Variants in LTBP2 observed in about 807,000 individuals in gnomAD.
LTBP2 encodes the protein latent-transforming growth factor beta-binding protein 2.
A neutral mutation model predicts 210.6 loss-of-function variants in LTBP2; 103 were observed. That is an observed-to-expected ratio of 0.49 (90% CI 0.42 to 0.58). The LOEUF (loss-of-function observed/expected upper bound fraction) is 0.58. LTBP2 is among the 20% of genes least tolerant of loss of function. The probability of loss-of-function intolerance (pLI) is 0.00; values close to 1 mark genes in which losing one functional copy is unlikely to be tolerated. For synonymous variants in LTBP2, 1,007 were observed against 1,015.0 expected (o/e 0.99, Z 0.15); for missense variants, 2,313 against 2,494.5 (o/e 0.93, Z 1.55).
chr14:74,557,428 C>G lies in LTBP2; in HGVS notation c.831-1735G>C, dbSNP rs968551066. Among the ~76,000 whole-genome samples, 5 of 152,194 alleles carry G rather than the reference C, an allele frequency of 3.3e-5. 1 individual carries two copies. The highest frequency in any genetic ancestry group is 7.3e-5 in the Non-Finnish European group (5 of 68,034). ...CACTTAGAGCACAATCTTGCCAGCA[C>G]AGCATATTATTAATTTTTAATACTT... On this transcript the variant is annotated intron_variant, in intron 3 of 35. Transcript: ENST00000261978.
chr14:74,560,479 T>C (rs1265242977), intron 3 of LTBP2, among the ~76,000 whole-genome samples: 1 of 152,178 alleles, frequency 6.6e-6, no homozygotes, highest in Non-Finnish European at 1.5e-5. Context: ...GGGCAGTCTG[T>C]ACCCATAATG....
intron 2 of LTBP2, among the ~76,000 whole-genome samples, chr14:74,588,496 C>G (rs1281395994): frequency 6.6e-6 from 1 of 152,174 alleles, no homozygotes; most frequent in African/African-American, 2.4e-5. Flanking sequence ...GCTGGGATTA[C>G]AGGTGTGAGC....
intron 8 of LTBP2, among the ~76,000 whole-genome samples, chr14:74,536,326 G>C (rs1346031890): frequency 6.6e-6 from 1 of 152,162 alleles, no homozygotes. Flanking sequence ...CTGGGGGAGA[G>C]GGGAGATATT....
At chr14:74,554,509 A>G (rs2087704501) in intron 4 of LTBP2, among the ~76,000 whole-genome samples, 1 of 152,214 alleles carries the variant, frequency 6.6e-6, no homozygotes, top group South Asian at 2.1e-4. Context: ...TTAAAAAAGA[A>G]AAAGAGAAGA....
At chr14:74,593,891 T>G (rs2088317528) in intron 2 of LTBP2, among the ~76,000 whole-genome samples, 1 of 152,010 alleles carries the variant, frequency 6.6e-6, no homozygotes, top group Non-Finnish European at 1.5e-5. Flanking sequence ...AGGATAAAAA[T>G]CCAATCTAGC....
intron 3 of LTBP2, among the ~76,000 whole-genome samples, chr14:74,563,247 T>C (rs1199937775): frequency 6.6e-6 from 1 of 152,210 alleles, no homozygotes; most frequent in Non-Finnish European, 1.5e-5. Flanking sequence ...CTTTCTTCTT[T>C]CCTTTCGCAT....
Position 74,528,603 on chromosome 14 carries a change from C to T in LTBP2, c.2248G>A (p.Ala750Thr), listed in dbSNP as rs771989724. The stretch of plus-strand genomic sequence containing the variant: ...TGCCCTTGCTCCCTTGGGGGCCTTG[C>T]CAGTTCCTCCTCCTCGGCTTTCCTC... ...SMRKAEEEEL[A>T]RPPREQGQRS... The change falls in exon 12 of 36, where the codon GCA (alanine) becomes ACA (threonine). Residue 750 changes from alanine (A) to threonine (T), a missense_variant. Transcript: ENST00000261978. 5.6e-6 allele frequency: 9 copies of T among 1,613,460 alleles called. No individual in the cohort carries two copies. The highest frequency in any genetic ancestry group is 6.8e-6 in the Non-Finnish European group (8 of 1,180,058).
At position 74,573,004 on chromosome 14, in the gene LTBP2, A is replaced by AGTCCGGTGCTG. The variant is rs1260316848; in HGVS notation, c.830+12839_830+12849dup. On this transcript the variant is annotated intron_variant, in intron 3 of 35. Coordinates refer to ENST00000261978, the MANE Select transcript of LTBP2 (RefSeq NM_000428.3). ...ATGTTTATTGTCACTAGTTATTTTA[A>AGTCCGGTGCTG]GTCCGGTGCTGGAAACTGTATACAT... 8.5e-5 allele frequency among the ~76,000 whole-genome samples: 13 copies of AGTCCGGTGCTG among 152,334 alleles called. No homozygotes were observed. In the South Asian group the frequency reaches 2.7e-3, roughly 32 times the overall value.
chr14:74,586,232 C>G lies in LTBP2; in HGVS notation c.566-114G>C. On this transcript the variant is annotated intron_variant, in intron 2 of 35. Transcript: ENST00000261978. The surrounding 1 kb of genome is among the most constrained non-coding windows in gnomAD (Gnocchi z 4.6). Reference sequence around the variant, plus strand: ...GAGTGCTGCAACCCTGTCGCTCAAGCAGGAAGCCACTCTCCTGGCCTCAGG... The same window carrying G: ...GAGTGCTGCAACCCTGTCGCTCAAGGAGGAAGCCACTCTCCTGGCCTCAGG... 8.3e-7 allele frequency: 1 copy of G among 1,211,906 alleles called. No individual in the cohort carries two copies. Among genetic ancestry groups the G allele is most frequent in the Non-Finnish European group, 1.1e-6 (1 of 870,736 alleles). 75.1% of individuals were successfully genotyped at this position (1,211,906 alleles called of 1,614,324 possible).
chr14:74,555,242 G>T (rs1359365367), intron 4 of LTBP2, among the ~76,000 whole-genome samples: 1 of 152,114 alleles, frequency 6.6e-6, no homozygotes, highest in East Asian at 1.9e-4. Context: ...GGAAGCAAAG[G>T]CAGGAGGGGA....
intron 14 of LTBP2, 103 bp downstream of exon 14, chr14:74,525,972 T>C: frequency 8.3e-7 from 1 of 1,199,768 alleles, no homozygotes; most frequent in South Asian, 1.3e-5. Flanking sequence ...CTCTGATGTG[T>C]GTGTGAGCGT....
At position 74,551,262 on chromosome 14, in the gene LTBP2, G is replaced by T; in HGVS notation, c.1488C>A (p.Gly496=). The T allele has an allele frequency of 6.2e-7, 1 of 1,610,370 alleles. No homozygotes were observed. The highest frequency in any genetic ancestry group is 8.5e-7 in the Non-Finnish European group (1 of 1,178,640). Residue 496 remains glycine, a synonymous_variant, in exon 7 of 36, where the codon GGC becomes GGA. Transcript: ENST00000261978. ...TCTCCACTAGGGCCTCCTCCACCCC[G>T]CCCCGCACCTGGGCCACCTGGTGGA... ...VQIHQVAQVR[G]GVEEALVENS...
chr14:74,534,629 G>T (rs1433010589), intron 9 of LTBP2, among the ~76,000 whole-genome samples: 3 of 152,154 alleles, frequency 2.0e-5, no homozygotes, highest in South Asian at 2.1e-4. Context: ...TGTTCAGGGG[G>T]TCTGTCTGCA....
At chr14:74,552,828 T>G in intron 5 of LTBP2, 64 bp downstream of exon 5, 2 of 1,562,862 alleles carry the variant, frequency 1.3e-6, no homozygotes, top group Non-Finnish European at 1.7e-6. Context: ...AAGGCAGGCC[T>G]GGCTCTCTGG....
intron 2 of LTBP2, among the ~76,000 whole-genome samples, chr14:74,598,830 C>T (rs1028702224): frequency 2.6e-5 from 4 of 152,160 alleles, no homozygotes; most frequent in African/African-American, 9.7e-5. Context: ...TTAGCCTGCG[C>T]CAGGCTGTCT....
rs61738016 is a variant in LTBP2 at position 74,505,143 on chromosome 14, G to A, written c.4209C>T (p.Asp1403=). The A allele has an allele frequency of 4.5e-5, 72 of 1,613,448 alleles. No homozygotes were observed. Among genetic ancestry groups the A allele is most frequent in the Non-Finnish European group, 5.9e-5 (70 of 1,180,030 alleles). ...CCATGCGGGTGGGGGCCGGGGCATGGTCCCCCGTTGGGGCCTCAGACATAC... is the reference window on the plus strand; with the variant it reads ...CCATGCGGGTGGGGGCCGGGGCATGATCCCCCGTTGGGGCCTCAGACATAC... ...GQSMSEAPTG[D]HAPAPTRMDC... Residue 1403 remains aspartate, a synonymous_variant, in exon 29 of 36, where the codon GAC becomes GAT. Transcript: ENST00000261978.
chr14:74,514,292 C>G (rs1214674330), intron 18 of LTBP2, among the ~76,000 whole-genome samples: 2 of 152,336 alleles, frequency 1.3e-5, no homozygotes, highest in East Asian at 3.9e-4. Flanking sequence ...TTCCTGTGTT[C>G]CCAGCCCATG....
At chr14:74,585,182 G>C (rs1461910838) in intron 3 of LTBP2, among the ~76,000 whole-genome samples, 1 of 152,150 alleles carries the variant, frequency 6.6e-6, no homozygotes, top group Admixed American at 6.5e-5. Context: ...CACTCCCCTT[G>C]TTCACTTTTC....
chr14:74,510,631 G>A (rs957709878), intron 19 of LTBP2, among the ~76,000 whole-genome samples: 2 of 152,220 alleles, frequency 1.3e-5, no homozygotes, highest in Non-Finnish European at 2.9e-5. Flanking sequence ...CGGGTGGGCG[G>A]GCAGCGTGGA....
Sources: gnomAD v4.1 joint callset for allele counts (sites outside exome capture counted in the v4.1 genomes callset) on GRCh38, gnomAD v4.1.1 for gene constraint, Gnocchi (gnomAD v3.1) non-coding constraint, MANE v1.5 for transcripts, NCBI Gene and HGNC (gene_info 2026-07-23, HGNC 2026-07-21) for gene names.